The following FGD3 variants were observed in gnomAD, a reference collection of about 807,000 sequenced individuals.
The protein encoded by FGD3 is FYVE, RhoGEF and PH domain containing 3, also known as FYVE, RhoGEF and PH domain-containing protein 3.
In FGD3, 45 loss-of-function variants were observed where a neutral mutation model predicts 71.8. That is an observed-to-expected ratio of 0.63 (90% CI 0.49 to 0.80). The LOEUF is 0.80. Among genes scored for constraint, FGD3 ranks in the 30% least tolerant of loss-of-function variants. FGD3 has a pLI of 0.00. For missense variants in FGD3, 844 were observed against 951.5 expected, an observed-to-expected ratio of 0.89 and a Z score of 1.49; for synonymous variants, 378 against 392.8, an observed-to-expected ratio of 0.96 and a Z score of 0.44.
intron 3 of FGD3, among the ~76,000 whole-genome samples, chr9:92,978,620 G>T (rs898970886): frequency 8.6e-5 from 13 of 150,834 alleles, no homozygotes; most frequent in Non-Finnish European, 1.6e-4. Flanking sequence ...AAATGTTAAG[G>T]CTCCACCCCA....
intron 1 of FGD3, among the ~76,000 whole-genome samples, chr9:92,962,539 G>A (rs1027868194): frequency 6.6e-6 from 1 of 152,180 alleles, no homozygotes; most frequent in Non-Finnish European, 1.5e-5. Flanking sequence ...TTGGTGGCTG[G>A]GATCCCTTGA....
intron 3 of FGD3, among the ~76,000 whole-genome samples, chr9:92,977,487 C>T (rs1210131230): frequency 6.6e-6 from 1 of 152,034 alleles, no homozygotes; most frequent in East Asian, 1.9e-4. Context: ...ACGTTGCTGG[C>T]TGACACGGGG....
intron 8 of FGD3, among the ~76,000 whole-genome samples, chr9:93,013,195 A>G (rs1861508953): frequency 1.3e-5 from 2 of 152,148 alleles, no homozygotes; most frequent in Admixed American, 6.5e-5. Context: ...ACCTACCTGC[A>G]TTGGTGCCAG....
intron 1 of FGD3, among the ~76,000 whole-genome samples, chr9:92,960,652 G>A (rs77660404): frequency 0.017 from 2,595 of 152,304 alleles, 36 homozygotes; most frequent in Non-Finnish European, 0.028. Flanking sequence ...TCATAGTGCA[G>A]TGCTGGCAAT....
intron 1 of FGD3, among the ~76,000 whole-genome samples, chr9:92,948,936 C>A (rs1202736055): frequency 1.3e-5 from 2 of 152,196 alleles, no homozygotes; most frequent in Non-Finnish European, 2.9e-5. Context: ...TCCCAAGTAT[C>A]CCTCCTCATC....
chr9:92,957,878 A>G (rs534001552), intron 1 of FGD3, among the ~76,000 whole-genome samples: 45 of 151,196 alleles, frequency 3.0e-4, no homozygotes, highest in African/African-American at 1.0e-3. Context: ...ATGAAGTTTC[A>G]CTATGTAGGC....
Position 93,035,772 on chromosome 9 carries a change from G to A in FGD3, c.*183G>A. On this transcript the variant is annotated 3_prime_UTR_variant, in exon 18 of 18. Coordinates refer to ENST00000375482, the MANE Select transcript of FGD3 (RefSeq NM_001083536.2). The stretch of plus-strand genomic sequence containing the variant: ...CAGAGAGGGGCAACCACTGGCCAAG[G>A]GTCACCCAGCAAGTTTTGGCTAAGA... The A allele has an allele frequency of 3.3e-6, 3 of 919,094 alleles. No homozygotes were observed. Among genetic ancestry groups the A allele is most frequent in the Non-Finnish European group, 4.6e-6 (3 of 648,984 alleles). 56.9% of individuals were successfully genotyped at this position (919,094 alleles called of 1,614,324 possible).
chr9:92,954,472 G>T (rs896522658), intron 1 of FGD3, among the ~76,000 whole-genome samples: 1 of 152,178 alleles, frequency 6.6e-6, no homozygotes, highest in Admixed American at 6.5e-5. Flanking sequence ...GAAGCAGCCG[G>T]GCTCTGAGTC....
chr9:93,015,131 A>G (rs1452658346), intron 9 of FGD3, among the ~76,000 whole-genome samples: 1 of 151,960 alleles, frequency 6.6e-6, no homozygotes, highest in East Asian at 1.9e-4. Context: ...AGATTCATCC[A>G]TGTTGGTGAA....
At position 93,035,788 on chromosome 9, in the gene FGD3, T is replaced by C; in HGVS notation, c.*199T>C. ...CTGGCCAAGGGTCACCCAGCAAGTTTTGGCTAAGAGCCTGGCCTCCAGCCC... is the reference window on the plus strand; with the variant it reads ...CTGGCCAAGGGTCACCCAGCAAGTTCTGGCTAAGAGCCTGGCCTCCAGCCC... On this transcript the variant is annotated 3_prime_UTR_variant, in exon 18 of 18. Coordinates refer to ENST00000375482, the MANE Select transcript of FGD3 (RefSeq NM_001083536.2). 1 of 778,804 alleles carries C rather than the reference T, an allele frequency of 1.3e-6. No individual in the cohort carries two copies. The allele number at this position is 778,804 out of a possible 1,614,324, so 48.2% of individuals were successfully genotyped here. A position where few individuals can be genotyped will look rare whatever the true frequency, so the allele number is the denominator to read the frequency against.
rs1008942945 is a variant in FGD3 at position 93,029,027 on chromosome 9, T to G, written c.1558-847T>G. 2.7e-4 allele frequency among the ~76,000 whole-genome samples: 30 copies of G among 112,924 alleles called. 1 individual carries two copies. Among genetic ancestry groups the G allele is most frequent in the African/African-American group, 7.0e-4 (21 of 29,948 alleles). 74.1% of individuals were successfully genotyped at this position (112,924 alleles called of 152,430 possible). A position where few individuals can be genotyped will look rare whatever the true frequency, so the allele number is the denominator to read the frequency against. Reference sequence around the variant, plus strand: ...TTTTTTTTTTTTTTTTTTTTTTTTTTTTTTTTTTTTGAGACAGAATCTCGC... The same window carrying G: ...TTTTTTTTTTTTTTTTTTTTTTTTTGTTTTTTTTTTGAGACAGAATCTCGC... On this transcript the variant is annotated intron_variant, in intron 14 of 17. Coordinates refer to ENST00000375482, the MANE Select transcript of FGD3 (RefSeq NM_001083536.2).
chr9:93,014,984 A>G (rs1373794806), intron 9 of FGD3, among the ~76,000 whole-genome samples: 1 of 32,854 alleles, frequency 3.0e-5, no homozygotes, highest in East Asian at 1.1e-3. Flanking sequence ...CCCTTGTCCC[A>G]CCCCTTTGTG....
chr9:92,977,935 A>T (rs778156727), intron 3 of FGD3, among the ~76,000 whole-genome samples: 2 of 152,218 alleles, frequency 1.3e-5, no homozygotes, highest in South Asian at 4.1e-4. Context: ...TGGCAATAAG[A>T]TACCAAATTA....
chr9:93,018,175 A>T lies in FGD3; in HGVS notation c.1315A>T (p.Ile439Phe). 1.9e-6 allele frequency: 3 copies of T among 1,614,214 alleles called. No homozygotes were observed. Among genetic ancestry groups the T allele is most frequent in the Non-Finnish European group, 2.5e-6 (3 of 1,180,034 alleles). ...IVKPNTAHTFIITGRKRSLEL... is the reference protein window; with the variant it reads ...IVKPNTAHTFFITGRKRSLEL... The stretch of plus-strand genomic sequence containing the variant: ...CAAGCCAAACACAGCACATACATTC[A>T]TCATAACAGGAAGAAAAAGGTCCCT... Residue 439 changes from isoleucine (I) to phenylalanine (F), a missense_variant, in exon 11 of 18, where the codon ATC (isoleucine) becomes TTC (phenylalanine). Physicochemically the swap from Ile to Phe is conservative, Grantham distance 21 (BLOSUM62 0). Transcript: ENST00000375482.
chr9:93,022,246 G>A (rs1385405421), intron 13 of FGD3, 81 bp from the exon 14 acceptor site: 4 of 1,398,092 alleles, frequency 2.9e-6, no homozygotes, highest in East Asian at 4.7e-5. Flanking sequence ...GGTGCTGGGG[G>A]CTTCAGGAAC....
At chr9:92,971,561 C>CTTTTTTT (rs1318618124) in intron 1 of FGD3, among the ~76,000 whole-genome samples, 2 of 63,246 alleles carry the variant, frequency 3.2e-5, no homozygotes, top group African/African-American at 6.3e-5. Flanking sequence ...CTTTTCTTTT[C>CTTTTTTT]TTTTCTTTTT....
chr9:93,029,732 A>T, intron 14 of FGD3, 142 bp from the exon 15 acceptor site: 1 of 1,123,706 alleles, frequency 8.9e-7, no homozygotes, highest in Non-Finnish European at 1.2e-6. Context: ...TTGGCTCTTC[A>T]CTTCATTCCC....
At chr9:93,024,521 C>T (rs977760359) in intron 14 of FGD3, among the ~76,000 whole-genome samples, 1 of 152,252 alleles carries the variant, frequency 6.6e-6, no homozygotes, top group Non-Finnish European at 1.5e-5. Flanking sequence ...TGGAGACATC[C>T]GTGGTCACAG....
At chr9:92,987,801 G>A (rs1206772502) in intron 3 of FGD3, among the ~76,000 whole-genome samples, 2 of 152,176 alleles carry the variant, frequency 1.3e-5, no homozygotes. Flanking sequence ...CATTCTTCCT[G>A]TACCTGTCAA....
Sources: gnomAD v4.1 joint callset for allele counts (sites outside exome capture counted in the v4.1 genomes callset) on GRCh38, gnomAD v4.1.1 for gene constraint, MANE v1.5 for transcripts, NCBI Gene and HGNC (gene_info 2026-07-23, HGNC 2026-07-21) for gene names.